SDHD: variants seen among roughly 807,000 people sequenced by gnomAD.
SDHD encodes succinate dehydrogenase complex subunit D.
SDHD carries 6 observed loss-of-function variants against 18.7 expected under a neutral mutation model. The observed-to-expected ratio is 0.32, with a 90% CI of 0.18 to 0.63. The LOEUF (loss-of-function observed/expected upper bound fraction) is 0.63, where lower values mean the gene tolerates loss of function less well. Among genes scored for constraint, SDHD ranks in the 30% least tolerant of loss-of-function variants. The pLI is 0.79. For missense variants in SDHD, 160 were observed against 192.7 expected (o/e 0.83, Z 1.00); for synonymous variants, 56 against 73.9 (o/e 0.76, Z 1.24).
At chr11:112,093,012 C>T in intron 3 of SDHD, 1 of 239,688 alleles carries the variant, frequency 4.2e-6, no homozygotes, top group South Asian at 3.6e-5. Flanking sequence ...GACACAAAGG[C>T]CATATATTGT....
At chr11:112,094,423 A>C (rs986532760) in intron 3 of SDHD, among the ~76,000 whole-genome samples, 2 of 151,516 alleles carry the variant, frequency 1.3e-5, no homozygotes, top group African/African-American at 4.9e-5. Flanking sequence ...AAATAAATAA[A>C]TAGAAGGAAA....
Position 112,095,216 on chromosome 11 carries a change from T to G in SDHD, c.*246T>G, listed in dbSNP as rs944371606. 2.1e-5 allele frequency: 11 copies of G among 524,780 alleles called. No individual in the cohort carries two copies. The Admixed American group carries it at 2.2e-4, about 10-fold the overall frequency. 32.5% of individuals were successfully genotyped at this position (524,780 alleles called of 1,614,324 possible). On this transcript the variant is annotated 3_prime_UTR_variant, in exon 4 of 4. Transcript: ENST00000375549. ...AATGGGGTTGCCTCCCAGCTTCTTA[T>G]AAGACTCACAGTATAACTAAACATG...
rs1592786101 is a variant in SDHD at position 112,094,797 on chromosome 11, T to C, written c.315-8T>C. On this transcript the variant is annotated splice_polypyrimidine_tract_variant and splice_region_variant and intron_variant, in intron 3 of 3. Coordinates refer to ENST00000375549, the MANE Select transcript of SDHD (RefSeq NM_003002.4). ...TTATTGATGTTATGATTTTTTCTTT[T>C]TCTTTAGGGGCCTTGGACAAGTTGT... The C allele has an allele frequency of 1.2e-6, 2 of 1,610,668 alleles. No homozygotes were observed. Among genetic ancestry groups the C allele is most frequent in the Non-Finnish European group, 8.5e-7 (1 of 1,179,354 alleles).
At chr11:112,087,281 C>T (rs140600681) in intron 1 of SDHD, among the ~76,000 whole-genome samples, 195 of 152,258 alleles carry the variant, frequency 1.3e-3, no homozygotes, top group African/African-American at 4.5e-3. Flanking sequence ...CACCCTGAGT[C>T]GGGAAAGAGG....
chr11:112,088,008 C>T (rs1302615855), intron 2 of SDHD, 35 bp downstream of exon 2: 1 of 1,421,598 alleles, frequency 7.0e-7, no homozygotes, highest in East Asian at 2.3e-5. Context: ...TTTCTGGGCT[C>T]TAGCCATCTT....
chr11:112,091,608 A>G (rs933746997), intron 3 of SDHD, among the ~76,000 whole-genome samples: 1 of 152,068 alleles, frequency 6.6e-6, no homozygotes, highest in Non-Finnish European at 1.5e-5. Context: ...GTTATCCCAG[A>G]TCTAACATTG....
At chr11:112,093,572 T>G (rs1318570753) in intron 3 of SDHD, among the ~76,000 whole-genome samples, 1 of 152,212 alleles carries the variant, frequency 6.6e-6, no homozygotes, top group Non-Finnish European at 1.5e-5. Context: ...TTCTGGCGTT[T>G]GACTTACATT....
intron 3 of SDHD, chr11:112,090,995 C>A: frequency 1.8e-6 from 1 of 551,172 alleles, no homozygotes; most frequent in Non-Finnish European, 2.3e-6. Flanking sequence ...CGTGCCCAGC[C>A]TAAAGGGGTT....
chr11:112,086,947 C>T lies in SDHD; in HGVS notation c.40C>T (p.Leu14=), dbSNP rs1060503772. Residue 14 remains leucine (L), a synonymous_variant, in exon 1 of 4, where the codon CTA becomes TTA. Coordinates refer to ENST00000375549, the MANE Select transcript of SDHD (RefSeq NM_003002.4). The stretch of plus-strand genomic sequence containing the variant: ...GAGGCTGAGTGCCGTTTGCGGTGCC[C>T]TAGGAGGCCGAGGTGAGGGGTCTTC... The part of the protein sequence containing the change: ...LWRLSAVCGA[L]GGRALLLRTP... 4 of 1,614,070 alleles carry T rather than the reference C, an allele frequency of 2.5e-6. No homozygotes were observed. The highest frequency in any genetic ancestry group is 3.4e-6 in the Non-Finnish European group (4 of 1,179,950).
In SDHD at chr11:112,088,966, C is replaced by T. The variant is rs200255724; in HGVS notation, c.269C>T (p.Ala90Val). The change falls in exon 3 of 4, where the codon GCG (alanine) becomes GTG (valine). Residue 90 changes from alanine (A) to valine (V), a missense_variant. By Grantham distance (64) the Ala-to-Val change is moderately conservative (BLOSUM62 0). Coordinates refer to ENST00000375549, the MANE Select transcript of SDHD (RefSeq NM_003002.4). ...LPAAYLNPCS[A>V]MDYSLAAALT... ...GCTGCTTATTTGAATCCTTGCTCTG[C>T]GATGGACTATTCCCTGGCTGCAGCC... 7.4e-5 allele frequency: 119 copies of T among 1,614,014 alleles called. 1 individual carries two copies. In the South Asian group the frequency reaches 1.1e-3, roughly 15 times the overall value.
At chr11:112,088,167 CCTT>C in intron 2 of SDHD, 194 bp downstream of exon 2, 2 of 651,204 alleles carry the variant, frequency 3.1e-6, no homozygotes, top group Non-Finnish European at 5.5e-6. Context: ...TCATAGAAGA[CCTT>C]CTAGCCTAAG....
At chr11:112,087,390 C>T (rs949505558) in intron 1 of SDHD, among the ~76,000 whole-genome samples, 1 of 152,114 alleles carries the variant, frequency 6.6e-6, no homozygotes, top group African/African-American at 2.4e-5. Flanking sequence ...ATTTGTGTTA[C>T]CTCAGGTACT....
rs535806270 is a variant in SDHD, at chr11:112,088,083, A to G, written c.169+110A>G. 11 of 821,736 alleles carry G rather than the reference A, an allele frequency of 1.3e-5. No homozygotes were observed. The African/African-American group carries it at 1.5e-4, about 11-fold the overall frequency. The allele number at this position is 821,736 out of a possible 1,614,324, so 50.9% of individuals were successfully genotyped here. On this transcript the variant is annotated intron_variant, in intron 2 of 3. Transcript: ENST00000375549. Reference sequence around the variant, plus strand: ...CCTGTAGGGGGGACTCTTGTGTCCAACTTTGTCAAATGAAGACCTAGTTTA... The same window carrying G: ...CCTGTAGGGGGGACTCTTGTGTCCAGCTTTGTCAAATGAAGACCTAGTTTA...
chr11:112,091,635 T>C (rs1038428458), intron 3 of SDHD, among the ~76,000 whole-genome samples: 4 of 152,186 alleles, frequency 2.6e-5, no homozygotes, highest in Non-Finnish European at 5.9e-5. Context: ...TCGCTCTTTT[T>C]TCCCCCCAAA....
chr11:112,094,125 C>T (rs575388353), intron 3 of SDHD, among the ~76,000 whole-genome samples: 1 of 152,120 alleles, frequency 6.6e-6, no homozygotes, highest in East Asian at 1.9e-4. Context: ...ACAGGCCAGG[C>T]GCAGTAGCTC....
chr11:112,092,472 A>G (rs1865763126), intron 3 of SDHD, among the ~76,000 whole-genome samples: 1 of 152,160 alleles, frequency 6.6e-6, no homozygotes, highest in Non-Finnish European at 1.5e-5. Flanking sequence ...GTAAAATTAT[A>G]TTCCTCCAAA....
intron 3 of SDHD, among the ~76,000 whole-genome samples, chr11:112,094,519 G>A (rs1328966703): frequency 6.6e-6 from 1 of 152,234 alleles, no homozygotes; most frequent in African/African-American, 2.4e-5. Flanking sequence ...CTTGAGCTCA[G>A]GAGTTCGAGG....
chr11:112,088,507 C>T (rs751170832), intron 2 of SDHD: 5 of 362,706 alleles, frequency 1.4e-5, no homozygotes, highest in East Asian at 7.0e-5. Flanking sequence ...TGAGCCACCA[C>T]GCCTGGACCA....
chr11:112,088,363 C>A (rs960975741), intron 2 of SDHD: 28 of 345,722 alleles, frequency 8.1e-5, no homozygotes, highest in African/African-American at 5.4e-4. Context: ...CCATGCCCAG[C>A]TAAGTTTTGT....
Sources: allele counts gnomAD v4.1 joint callset (sites outside exome capture counted in the v4.1 genomes callset), GRCh38; gene constraint gnomAD v4.1.1; transcripts MANE v1.5; gene names NCBI Gene and HGNC (gene_info 2026-07-23, HGNC 2026-07-21).